The following MYLK3 variants were observed in gnomAD, a reference collection of about 807,000 sequenced individuals.
The protein encoded by MYLK3 is myosin light chain kinase 3.
In MYLK3, 55 loss-of-function variants were observed where a neutral mutation model predicts 76.3. That is an observed-to-expected ratio of 0.72 (90% CI 0.58 to 0.90). The LOEUF (loss-of-function observed/expected upper bound fraction) is 0.90. Ranked by LOEUF, MYLK3 falls within the 40% of genes least tolerant of loss-of-function variation. The pLI is 0.00. For synonymous variants in MYLK3, 416 were observed against 425.4 expected (o/e 0.98, Z 0.27); for missense variants, 973 against 1,053.6 (o/e 0.92, Z 1.06).
chr16:46,726,963 A>T (rs1453095416), intron 8 of MYLK3: 3 of 291,678 alleles, frequency 1.0e-5, no homozygotes, highest in African/African-American at 2.1e-5. Flanking sequence ...TTGAACTTTT[A>T]AAAAAAGTAA....
intron 9 of MYLK3, among the ~76,000 whole-genome samples, chr16:46,713,730 C>T (rs191586298): frequency 6.6e-6 from 1 of 152,302 alleles, no homozygotes; most frequent in East Asian, 1.9e-4. Context: ...CAGACGTCTC[C>T]CCAGTGCCAC....
At chr16:46,709,949 A>C (rs185538777) in intron 11 of MYLK3, among the ~76,000 whole-genome samples, 38 of 152,350 alleles carry the variant, frequency 2.5e-4, no homozygotes, top group African/African-American at 9.1e-4. Context: ...AAGTTGAGGC[A>C]GGGCAGTAGG....
At position 46,710,803 on chromosome 16, in the gene MYLK3, A is replaced by T. The variant is rs536299564; in HGVS notation, c.2115-14T>A. On this transcript the variant is annotated splice_polypyrimidine_tract_variant and intron_variant, in intron 10 of 12. Coordinates refer to ENST00000394809, the MANE Select transcript of MYLK3 (RefSeq NM_182493.3). ...AAGCCACTGAGTCTATAGAAGAGAG[A>T]AAGGACCATCAGTAGGTGGAGGCCA... 2.5e-6 allele frequency: 4 copies of T among 1,613,962 alleles called. No individual in the cohort carries two copies. Among genetic ancestry groups the T allele is most frequent in the East Asian group, 4.5e-5 (2 of 44,874 alleles).
intron 5 of MYLK3, among the ~76,000 whole-genome samples, chr16:46,730,308 C>T (rs532830185): frequency 3.9e-5 from 6 of 152,330 alleles, no homozygotes; most frequent in Admixed American, 1.3e-4. Flanking sequence ...GGCTTTCCGG[C>T]CACCTCCAGG....
chr16:46,710,656 A>G lies in MYLK3; in HGVS notation c.2248T>C (p.Leu750=), dbSNP rs1355369199. 1 of 1,614,142 alleles carries G rather than the reference A, an allele frequency of 6.2e-7. No homozygotes were observed. Among genetic ancestry groups the G allele is most frequent in the Non-Finnish European group, 8.5e-7 (1 of 1,180,022 alleles). The change falls in exon 11 of 13, where the codon TTG becomes CTG. Residue 750 remains leucine (L), a synonymous_variant. Coordinates refer to ENST00000394809, the MANE Select transcript of MYLK3 (RefSeq NM_182493.3). ...AGGTACCTCTTCTCTTTGACCAGCA[A>G]CCGGGAAACAAAGTCCTTGGCCTCC... The part of the protein sequence containing the change: ...SEEAKDFVSR[L]LVKEKSCRMS...
At chr16:46,752,415 T>A (rs1031068421), upstream of MYLK3, among the ~76,000 whole-genome samples, 1 of 152,094 alleles carries the variant, frequency 6.6e-6, no homozygotes, top group Admixed American at 6.6e-5. Context: ...TTAATTTTTT[T>A]AAATGTCGTC....
chr16:46,734,203 G>C (rs549988097), intron 3 of MYLK3, among the ~76,000 whole-genome samples: 1 of 152,172 alleles, frequency 6.6e-6, no homozygotes, highest in Admixed American at 6.5e-5. Context: ...TGGTGTCTAC[G>C]CATTATATAG....
chr16:46,739,550 C>T (rs1000147805), intron 2 of MYLK3, among the ~76,000 whole-genome samples: 2 of 151,976 alleles, frequency 1.3e-5, no homozygotes, highest in African/African-American at 4.8e-5. Flanking sequence ...AACCCCTCAC[C>T]TTCCTCATCC....
In MYLK3 at chr16:46,747,445, G is replaced by A. The variant is rs946888429; in HGVS notation, c.477+272C>T. Among the ~76,000 whole-genome samples the A allele has an allele frequency of 1.2e-4, 18 of 152,216 alleles. No individual in the cohort carries two copies. The South Asian group carries it at 1.2e-3, about 10-fold the overall frequency. ...TGGTCCTCCCTCCCAAACCGCCAGCGTGTCCCCCACAGCTAGGTTCCCTGG... is the reference window on the plus strand; with the variant it reads ...TGGTCCTCCCTCCCAAACCGCCAGCATGTCCCCCACAGCTAGGTTCCCTGG... On this transcript the variant is annotated intron_variant, in intron 1 of 12. Coordinates refer to ENST00000394809, the MANE Select transcript of MYLK3 (RefSeq NM_182493.3).
At chr16:46,732,170 T>G (rs1283502340) in intron 4 of MYLK3, 38 bp downstream of exon 4, 1 of 1,514,052 alleles carries the variant, frequency 6.6e-7, no homozygotes. Flanking sequence ...CTCCCTCCCC[T>G]CAGGGCTCGT....
upstream of MYLK3, among the ~76,000 whole-genome samples, chr16:46,749,236 G>A (rs149013911): frequency 3.2e-3 from 484 of 152,278 alleles, 2 homozygotes; most frequent in African/African-American, 0.011. Context: ...AAGTCCCAAG[G>A]ACGCCACGGA....
Position 46,702,517 on chromosome 16 carries a change from T to A in MYLK3, c.*5187A>T, listed in dbSNP as rs1271845312. ...AAAATTAATAGTAACTATCATCAAA[T>A]GTGAAATTCATAATCTAAATGTCTC... On this transcript the variant is annotated 3_prime_UTR_variant, in exon 13 of 13. Coordinates refer to ENST00000394809, the MANE Select transcript of MYLK3 (RefSeq NM_182493.3). Among the ~76,000 whole-genome samples the A allele has an allele frequency of 6.6e-6, 1 of 152,226 alleles. No homozygotes were observed. Among genetic ancestry groups the A allele is most frequent in the Non-Finnish European group, 1.5e-5 (1 of 68,044 alleles).
chr16:46,741,879 T>C (rs1220019833), intron 1 of MYLK3, among the ~76,000 whole-genome samples: 1 of 151,806 alleles, frequency 6.6e-6, no homozygotes, highest in East Asian at 1.9e-4. Context: ...TAAGTGATCC[T>C]CTCACCTCAG....
Position 46,703,554 on chromosome 16 carries a change from G to C in MYLK3, c.*4150C>G, listed in dbSNP as rs1238386637. 2.0e-5 allele frequency: 3 copies of C among 152,192 alleles called. No homozygotes were observed. Among genetic ancestry groups the C allele is most frequent in the African/African-American group, 7.2e-5 (3 of 41,444 alleles). The allele number at this position is 152,192 out of a possible 1,614,324, so 9.4% of individuals were successfully genotyped here. On this transcript the variant is annotated 3_prime_UTR_variant, in exon 13 of 13. Transcript: ENST00000394809. ...AGTGACTGTACATGCAAATGGAAAA[G>C]TCCCATTAGAAATAGTTGACCCAAC... is the stretch of plus-strand genomic sequence containing the variant.
In MYLK3 at chr16:46,737,947, G is replaced by A. The variant is rs779047022; in HGVS notation, c.765C>T (p.Ser255=). The part of the protein sequence containing the change: ...KVEAKAPETP[S]ENLRTGLELA... Reference sequence around the variant, plus strand: ...ATTCCAGGCCAGTCCTGAGGTTCTCGCTGGGTGTCTCAGGAGCCTTGGCTT... The same window carrying A: ...ATTCCAGGCCAGTCCTGAGGTTCTCACTGGGTGTCTCAGGAGCCTTGGCTT... The change falls in exon 3 of 13, where the codon AGC becomes AGT. Residue 255 remains serine, a synonymous_variant. Transcript: ENST00000394809. The A allele has an allele frequency of 3.4e-5, 55 of 1,614,050 alleles. No homozygotes were observed. In the South Asian group the frequency reaches 4.5e-4, roughly 13 times the overall value.
intron 1 of MYLK3, 66 bp downstream of exon 1, chr16:46,747,651 G>A: frequency 6.8e-7 from 1 of 1,477,020 alleles, no homozygotes; most frequent in Non-Finnish European, 9.3e-7. Flanking sequence ...AACACTGGCT[G>A]CCTGGCCAGT....
intron 1 of MYLK3, among the ~76,000 whole-genome samples, chr16:46,758,288 ACACACACACACACACACTCTCTCTCT>A (rs1193017328): frequency 1.8e-5 from 1 of 56,256 alleles, no homozygotes; most frequent in Non-Finnish European, 3.0e-5. Context: ...ACACACACAC[ACACACACACACACACACTCTCTCTCT>A]CTCTCTCTCT....
Position 46,744,159 on chromosome 16 carries a change from G to C in MYLK3, c.477+3558C>G, listed in dbSNP as rs569929042. ...GTGATTCTTCTGCCTCAGCCTCCCGGGTAGCTAGGACTACAAGTGCACGCC... is the reference window on the plus strand; with the variant it reads ...GTGATTCTTCTGCCTCAGCCTCCCGCGTAGCTAGGACTACAAGTGCACGCC... On this transcript the variant is annotated intron_variant, in intron 1 of 12. Coordinates refer to ENST00000394809, the MANE Select transcript of MYLK3 (RefSeq NM_182493.3). Among the ~76,000 whole-genome samples, 19 of 149,928 alleles carry C rather than the reference G, an allele frequency of 1.3e-4. No homozygotes were observed. The East Asian group carries it at 3.8e-3, about 30-fold the overall frequency.
At chr16:46,745,045 G>A (rs547335120) in intron 1 of MYLK3, among the ~76,000 whole-genome samples, 6 of 151,898 alleles carry the variant, frequency 4.0e-5, no homozygotes, top group East Asian at 1.9e-4. Flanking sequence ...ATAATTTCCC[G>A]TTTTCATTCA....
Sources: gnomAD v4.1 joint callset for allele counts (sites outside exome capture counted in the v4.1 genomes callset) on GRCh38, gnomAD v4.1.1 for gene constraint, MANE v1.5 for transcripts, NCBI Gene and HGNC (gene_info 2026-07-23, HGNC 2026-07-21) for gene names.